The following CPSF2 variants were observed in gnomAD, a reference collection of about 807,000 sequenced individuals.
The protein encoded by CPSF2 is cleavage and polyadenylation specificity factor subunit 2.
Under a neutral mutation model 84.2 loss-of-function variants are expected in CPSF2, and 51 were observed. That is an observed-to-expected ratio of 0.61 (90% CI 0.48 to 0.77). The LOEUF is 0.77. CPSF2 is among the 30% of genes least tolerant of loss of function. The pLI, the probability that CPSF2 is intolerant of heterozygous loss-of-function variation, is 0.00. For missense variants in CPSF2, 641 were observed against 929.4 expected, an observed-to-expected ratio of 0.69 and a Z score of 4.03; for synonymous variants, 286 against 311.9, an observed-to-expected ratio of 0.92 and a Z score of 0.87.
intron 1 of CPSF2, 153 bp downstream of exon 1, chr14:92,122,281 A>T (rs1303779003): frequency 8.4e-6 from 2 of 238,026 alleles, no homozygotes; most frequent in African/African-American, 4.6e-5. Flanking sequence ...TTCCCGGCAG[A>T]AGTGGTCAGC....
Position 92,134,279 on chromosome 14 carries a change from C to T in CPSF2, c.339C>T (p.Leu113=), listed in dbSNP as rs769969271. Residue 113 remains leucine, a synonymous_variant, in exon 5 of 16, where the codon CTC becomes CTT. Coordinates refer to ENST00000298875, the MANE Select transcript of CPSF2 (RefSeq NM_017437.3). The stretch of plus-strand genomic sequence containing the variant: ...GACACAATACAGAAGATTTTACACT[C>T]TTTACATTAGATGATGTGGATGCAG... ...QSRHNTEDFT[L]FTLDDVDAAF... The T allele has an allele frequency of 8.7e-6, 14 of 1,613,474 alleles. 1 individual carries two copies. In the Admixed American group the frequency reaches 2.3e-4, roughly 27 times the overall value.
At chr14:92,130,903 G>A (rs1344277110) in intron 2 of CPSF2, 48 bp from the exon 3 acceptor site, 2 of 1,177,806 alleles carry the variant, frequency 1.7e-6, no homozygotes, top group Non-Finnish European at 2.4e-6. Context: ...TATTATATAT[G>A]CCAGACTGTG....
At chr14:92,129,811 A>G (rs1411006081) in intron 2 of CPSF2, among the ~76,000 whole-genome samples, 1 of 152,074 alleles carries the variant, frequency 6.6e-6, no homozygotes. Context: ...CTAGTGGCGC[A>G]CTCATAGCTC....
intron 1 of CPSF2, chr14:92,122,344 G>A (rs12886834): frequency 0.15 from 26,307 of 173,434 alleles, 2,622 homozygotes; most frequent in East Asian, 0.4. Context: ...GCTGTTTTGC[G>A]GCAGCCCGTA....
At chr14:92,127,666 A>G (rs58427641) in intron 2 of CPSF2, among the ~76,000 whole-genome samples, 1,843 of 152,290 alleles carry the variant, frequency 0.012, 41 homozygotes, top group African/African-American at 0.042. Context: ...GCTTGTGGGA[A>G]TGGTACATCA....
Position 92,164,387 on chromosome 14 carries a change from A to G in CPSF2, c.*2643A>G, listed in dbSNP as rs540652691. On this transcript the variant is annotated 3_prime_UTR_variant, in exon 16 of 16. Coordinates refer to ENST00000298875, the MANE Select transcript of CPSF2 (RefSeq NM_017437.3). The stretch of plus-strand genomic sequence containing the variant: ...TACTTTTACCTGTTTCTAGATGACA[A>G]TATTACTAAAATTTCTCAAATGAAG... 1.3e-5 allele frequency: 2 copies of G among 152,342 alleles called. No individual in the cohort carries two copies. Among genetic ancestry groups the G allele is most frequent in the South Asian group, 2.1e-4 (1 of 4,828 alleles). 9.4% of individuals were successfully genotyped at this position (152,342 alleles called of 1,614,324 possible). A position where few individuals can be genotyped will look rare whatever the true frequency, so the allele number is the denominator to read the frequency against.
At chr14:92,135,338 A>G in intron 5 of CPSF2, 29 bp from the exon 6 acceptor site, 3 of 1,571,420 alleles carry the variant, frequency 1.9e-6, no homozygotes, top group Non-Finnish European at 2.6e-6. Context: ...TGTAAAAGAA[A>G]TCTGAGTATT....
rs1296283105 is a variant in CPSF2 at position 92,168,515 on chromosome 14, G to A, written c.*6771G>A. 1 of 152,036 alleles carries A rather than the reference G, an allele frequency of 6.6e-6. No individual in the cohort carries two copies. The highest frequency in any genetic ancestry group is 1.9e-4 in the East Asian group (1 of 5,192). The allele number at this position is 152,036 out of a possible 1,614,324, so 9.4% of individuals were successfully genotyped here. A position where few individuals can be genotyped will look rare whatever the true frequency, so the allele number is the denominator to read the frequency against. On this transcript the variant is annotated 3_prime_UTR_variant, in exon 16 of 16. Coordinates refer to ENST00000298875, the MANE Select transcript of CPSF2 (RefSeq NM_017437.3). The stretch of plus-strand genomic sequence containing the variant: ...CATGCACACACAGCTCTATTTTTTG[G>A]TGCTTTTCGTTCATTATTCACTCCA...
chr14:92,133,083 A>G (rs1469280957), intron 3 of CPSF2, among the ~76,000 whole-genome samples: 1 of 148,242 alleles, frequency 6.7e-6, no homozygotes, highest in Non-Finnish European at 1.5e-5. Context: ...GAGCGAGACT[A>G]CATCTCCAAA....
At chr14:92,147,623 A>T (rs1029436365) in intron 9 of CPSF2, among the ~76,000 whole-genome samples, 7 of 151,996 alleles carry the variant, frequency 4.6e-5, no homozygotes, top group Non-Finnish European at 7.4e-5. Context: ...AACTGTTTTT[A>T]AAAAAAACCC....
chr14:92,126,811 A>G lies in CPSF2; in HGVS notation c.-35+631A>G, dbSNP rs79643564. On this transcript the variant is annotated intron_variant, in intron 2 of 15. Transcript: ENST00000298875. ...AGAGCAAGATCCTGTTTCAGGAAAC[A>G]AAAACAAGTCAATATATTTTAAATT... Among the ~76,000 whole-genome samples the G allele has an allele frequency of 7.7e-3, 1,179 of 152,310 alleles. 10 individuals carry two copies. Among genetic ancestry groups the G allele is most frequent in the African/African-American group, 0.026 (1,070 of 41,558 alleles).
intron 7 of CPSF2, among the ~76,000 whole-genome samples, chr14:92,141,456 A>G (rs908979926): frequency 1.3e-5 from 2 of 152,028 alleles, no homozygotes; most frequent in Non-Finnish European, 2.9e-5. Context: ...AGCTTCCCAC[A>G]TAGCTAAGAC....
Position 92,169,059 on chromosome 14 carries a change from T to G in CPSF2, c.*7315T>G, listed in dbSNP as rs1377721261. 3 of 152,042 alleles carry G rather than the reference T, an allele frequency of 2.0e-5. No individual in the cohort carries two copies. The highest frequency in any genetic ancestry group is 2.9e-5 in the Non-Finnish European group (2 of 67,996). The allele number at this position is 152,042 out of a possible 1,614,324, so 9.4% of individuals were successfully genotyped here. On this transcript the variant is annotated 3_prime_UTR_variant, in exon 16 of 16. Transcript: ENST00000298875. ...ACTTTAATATCCAATGTATCATAGG[T>G]GTTTTCTTTTTTCTCTGACAATTGT...
chr14:92,134,709 G>A (rs1290879407), intron 5 of CPSF2, among the ~76,000 whole-genome samples: 1 of 152,126 alleles, frequency 6.6e-6, no homozygotes, highest in Non-Finnish European at 1.5e-5. Context: ...TAGTGATTGG[G>A]GTAAATGAAG....
intron 9 of CPSF2, among the ~76,000 whole-genome samples, chr14:92,152,329 A>G (rs777692692): frequency 1.4e-4 from 21 of 151,698 alleles, no homozygotes; most frequent in Admixed American, 2.6e-4. Context: ...GGCTTTCTCC[A>G]TATTGATCAG....
At position 92,162,444 on chromosome 14, in the gene CPSF2, C is replaced by T. The variant is rs1425799565; in HGVS notation, c.*700C>T. 6.6e-6 allele frequency: 1 copy of T among 152,546 alleles called. No homozygotes were observed. Among genetic ancestry groups the T allele is most frequent in the Non-Finnish European group, 1.5e-5 (1 of 68,042 alleles). The allele number at this position is 152,546 out of a possible 1,614,324, so 9.4% of individuals were successfully genotyped here. A position where few individuals can be genotyped will look rare whatever the true frequency, so the allele number is the denominator to read the frequency against. Reference sequence around the variant, plus strand: ...GAGTATACATAATTCAAAAGAACTACTTGATGCAGTATAGTCTTAAGGGTT... The same window carrying T: ...GAGTATACATAATTCAAAAGAACTATTTGATGCAGTATAGTCTTAAGGGTT... On this transcript the variant is annotated 3_prime_UTR_variant, in exon 16 of 16. Transcript: ENST00000298875.
At chr14:92,155,436 G>T in intron 11 of CPSF2, 113 bp downstream of exon 11, 1 of 846,860 alleles carries the variant, frequency 1.2e-6, no homozygotes, top group Non-Finnish European at 1.9e-6. Flanking sequence ...ACATGTATGG[G>T]GTTAGCTTCT....
intron 9 of CPSF2, among the ~76,000 whole-genome samples, chr14:92,150,868 C>G (rs2069206230): frequency 6.6e-6 from 1 of 152,136 alleles, no homozygotes; most frequent in Non-Finnish European, 1.5e-5. Flanking sequence ...TGATAAAATT[C>G]TAATTTTCAA....
rs1246026712 is a variant in CPSF2 at position 92,164,719 on chromosome 14, CAG to C, written c.*2977_*2978del. Reference sequence around the variant, plus strand: ...TAGAAATATCTTGGGTGGCCTGAAACAGAAGTGAGGAAATCAATTTTTTAAGG... The same window carrying C: ...TAGAAATATCTTGGGTGGCCTGAAACAAGTGAGGAAATCAATTTTTTAAGG... On this transcript the variant is annotated 3_prime_UTR_variant, in exon 16 of 16. Transcript: ENST00000298875. 2 of 152,138 alleles carry C rather than the reference CAG, an allele frequency of 1.3e-5. No homozygotes were observed. Among genetic ancestry groups the C allele is most frequent in the African/African-American group, 2.4e-5 (1 of 41,436 alleles). 9.4% of individuals were successfully genotyped at this position (152,138 alleles called of 1,614,324 possible).
Sources: allele counts gnomAD v4.1 joint callset (sites outside exome capture counted in the v4.1 genomes callset), GRCh38; gene constraint gnomAD v4.1.1; transcripts MANE v1.5; gene names NCBI Gene and HGNC (gene_info 2026-07-23, HGNC 2026-07-21).